PLCB4: variants seen among roughly 807,000 people sequenced by gnomAD.
The protein encoded by PLCB4 is 1-phosphatidylinositol 4,5-bisphosphate phosphodiesterase beta-4.
In PLCB4, 77 loss-of-function variants were observed where a neutral mutation model predicts 178.8. The observed-to-expected ratio is 0.43, with a 90% CI of 0.36 to 0.52. PLCB4 has a LOEUF of 0.52. PLCB4 is among the 20% of genes least tolerant of loss of function. The pLI, the probability that PLCB4 is intolerant of heterozygous loss-of-function variation, is 0.00. For missense variants in PLCB4, 1,024 were observed against 1,453.4 expected (o/e 0.70, Z 4.80); for synonymous variants, 496 against 490.8 (o/e 1.01, Z -0.14).
rs568877866 is a variant in PLCB4, at chr20:9,288,851, C to A, written c.-15-18949C>A. Among the ~76,000 whole-genome samples the A allele has an allele frequency of 3.9e-5, 6 of 152,160 alleles. No individual in the cohort carries two copies. The South Asian group carries it at 6.2e-4, about 16-fold the overall frequency. ...TGAACAGAACATATATGCTAGATTC[C>A]ATATTTTAAGACATTTACAGTGAGT... On this transcript the variant is annotated intron_variant, in intron 3 of 39. Coordinates refer to ENST00000378473, the MANE Select transcript of PLCB4 (RefSeq NM_001377142.1).
At chr20:9,206,071 T>C (rs1394316260) in intron 2 of PLCB4, among the ~76,000 whole-genome samples, 2 of 152,204 alleles carry the variant, frequency 1.3e-5, no homozygotes, top group African/African-American at 4.8e-5. Flanking sequence ...TTGGACAGCA[T>C]TGGTTTAAGG....
intron 1 of PLCB4, among the ~76,000 whole-genome samples, chr20:9,069,630 A>G (rs1347634723): frequency 6.6e-6 from 1 of 152,148 alleles, no homozygotes; most frequent in Non-Finnish European, 1.5e-5. Flanking sequence ...CAGGCTTAGC[A>G]CTCATTGGGG....
intron 21 of PLCB4, 36 bp from the exon 22 acceptor site, chr20:9,407,881 T>A (rs1255053125): frequency 6.3e-7 from 1 of 1,586,266 alleles, no homozygotes; most frequent in Non-Finnish European, 8.6e-7. Context: ...CCTACTGAAG[T>A]CATCAACTTA....
intron 7 of PLCB4, among the ~76,000 whole-genome samples, chr20:9,355,060 A>G (rs971163030): frequency 3.9e-5 from 6 of 152,168 alleles, no homozygotes; most frequent in Admixed American, 3.9e-4. Context: ...GAAATGTCTT[A>G]TAATTCCCCC....
At position 9,480,100 on chromosome 20, in the gene PLCB4, CAA is replaced by C. The variant is rs1217058493; in HGVS notation, c.*1095_*1096del. 1 of 152,480 alleles carries C rather than the reference CAA, an allele frequency of 6.6e-6. No homozygotes were observed. Among genetic ancestry groups the C allele is most frequent in the African/African-American group, 2.4e-5 (1 of 41,386 alleles). The allele number at this position is 152,480 out of a possible 1,614,324, so 9.4% of individuals were successfully genotyped here. A position where few individuals can be genotyped will look rare whatever the true frequency, so the allele number is the denominator to read the frequency against. On this transcript the variant is annotated 3_prime_UTR_variant, in exon 40 of 40. Transcript: ENST00000378473. ...AATACATAACTAATTTAATTTTACA[CAA>C]AAATATTTATGCAGATTTTCAGAAT...
chr20:9,127,352 GCCA>G (rs915285094), intron 2 of PLCB4, among the ~76,000 whole-genome samples: 2 of 152,162 alleles, frequency 1.3e-5, no homozygotes, highest in African/African-American at 4.8e-5. Context: ...CATCCTGAAA[GCCA>G]CCTCTGTGAT....
At chr20:9,285,743 T>C (rs538131247) in intron 3 of PLCB4, among the ~76,000 whole-genome samples, 1 of 152,094 alleles carries the variant, frequency 6.6e-6, no homozygotes, top group East Asian at 1.9e-4. Context: ...CTAGAAAAGC[T>C]TGATGGAGCA....
intron 2 of PLCB4, among the ~76,000 whole-genome samples, chr20:9,154,961 T>C (rs1057202826): frequency 7.0e-6 from 1 of 143,514 alleles, no homozygotes; most frequent in African/African-American, 2.6e-5. Context: ...CCTTCCTTCC[T>C]TCCTTCTGCT....
intron 7 of PLCB4, among the ~76,000 whole-genome samples, chr20:9,347,819 C>T (rs902828623): frequency 2.0e-5 from 3 of 152,018 alleles, no homozygotes; most frequent in Non-Finnish European, 4.4e-5. Flanking sequence ...CTACTAAATA[C>T]AAAAATTAGC....
chr20:9,335,286 C>T (rs1314360523), intron 4 of PLCB4, among the ~76,000 whole-genome samples: 3 of 152,074 alleles, frequency 2.0e-5, no homozygotes, highest in Admixed American at 6.6e-5. Flanking sequence ...TCAGGTGGCA[C>T]GGAAGACCCT....
At chr20:9,301,889 G>A (rs776961551) in intron 3 of PLCB4, among the ~76,000 whole-genome samples, 8 of 151,916 alleles carry the variant, frequency 5.3e-5, no homozygotes, top group South Asian at 2.1e-4. Context: ...AGAACAATGC[G>A]ACTATTTAAA....
intron 7 of PLCB4, among the ~76,000 whole-genome samples, chr20:9,345,265 T>C (rs929591783): frequency 1.1e-4 from 17 of 152,308 alleles, no homozygotes; most frequent in East Asian, 1.9e-4. Context: ...CTTTTTTTTT[T>C]CCTGGAATCA....
Position 9,473,266 on chromosome 20 carries a change from T to C in PLCB4, c.3409-13T>C, listed in dbSNP as rs1338935879. The C allele has an allele frequency of 6.6e-7, 1 of 1,504,792 alleles. No individual in the cohort carries two copies. The highest frequency in any genetic ancestry group is 8.9e-7 in the Non-Finnish European group (1 of 1,127,330). The allele number at this position is 1,504,792 out of a possible 1,614,324, so 93.2% of individuals were successfully genotyped here. ...AAGTTCAATCAGAATTTTTTTTTTT[T>C]TTTTTTTTGCAGCTTGCCATGAAGC... On this transcript the variant is annotated splice_polypyrimidine_tract_variant and intron_variant, in intron 37 of 39. Coordinates refer to ENST00000378473, the MANE Select transcript of PLCB4 (RefSeq NM_001377142.1).
At chr20:9,437,313 C>T (rs765438495) in intron 30 of PLCB4, among the ~76,000 whole-genome samples, 161 bp downstream of exon 30, 34 of 152,228 alleles carry the variant, frequency 2.2e-4, no homozygotes, top group Non-Finnish European at 3.5e-4. Context: ...CTTCCAGACC[C>T]TCCCATAGGT....
intron 2 of PLCB4, among the ~76,000 whole-genome samples, chr20:9,171,265 T>C (rs1228050223): frequency 6.6e-6 from 1 of 152,200 alleles, no homozygotes; most frequent in South Asian, 2.1e-4. Flanking sequence ...CCCTTTAGAA[T>C]GCTACAAAGA....
rs1019639951 is a variant in PLCB4, at chr20:9,318,933, G to A, written c.84+11035G>A. On this transcript the variant is annotated intron_variant, in intron 4 of 39. Coordinates refer to ENST00000378473, the MANE Select transcript of PLCB4 (RefSeq NM_001377142.1). The stretch of plus-strand genomic sequence containing the variant: ...TGCTCAATATTAGCTACCTCAAGCC[G>A]TGTCTGTGGGCCGCAGGTGAACAGG... Among the ~76,000 whole-genome samples the A allele has an allele frequency of 3.9e-5, 6 of 152,306 alleles. No homozygotes were observed. The East Asian group carries it at 7.7e-4, about 20-fold the overall frequency.
chr20:9,172,761 A>G (rs1347362376), intron 2 of PLCB4, among the ~76,000 whole-genome samples: 1 of 152,186 alleles, frequency 6.6e-6, no homozygotes, highest in Non-Finnish European at 1.5e-5. Flanking sequence ...ACTCGCCCTA[A>G]GAACAGAATT....
chr20:9,092,651 G>A (rs1200244326), intron 1 of PLCB4, among the ~76,000 whole-genome samples: 2 of 152,154 alleles, frequency 1.3e-5, no homozygotes. Flanking sequence ...ATGCACGCTT[G>A]GGAATCTAAG....
At chr20:9,353,135 G>A (rs951171732) in intron 7 of PLCB4, among the ~76,000 whole-genome samples, 4 of 152,128 alleles carry the variant, frequency 2.6e-5, no homozygotes, top group African/African-American at 9.7e-5. Context: ...TTTTTGTGGG[G>A]GCAAAAGTCC....
Sources: gnomAD v4.1 joint callset for allele counts (sites outside exome capture counted in the v4.1 genomes callset) on GRCh38, gnomAD v4.1.1 for gene constraint, MANE v1.5 for transcripts, NCBI Gene and HGNC (gene_info 2026-07-23, HGNC 2026-07-21) for gene names.